Variants in AGAP3 observed in about 807,000 individuals in gnomAD.
The protein encoded by AGAP3 is arf-GAP with GTPase, ANK repeat and PH domain-containing protein 3.
Under a neutral mutation model 96.9 loss-of-function variants are expected in AGAP3, and 24 were observed. The observed-to-expected ratio is 0.25, with a 90% CI of 0.18 to 0.35. AGAP3 has a LOEUF of 0.35. Among genes scored for constraint, AGAP3 ranks in the 10% least tolerant of loss-of-function variants. The pLI, the probability that AGAP3 is intolerant of heterozygous loss-of-function variation, is 1.00. For missense variants in AGAP3, 876 were observed against 1,254.2 expected (o/e 0.70, Z 4.55); for synonymous variants, 563 against 536.1 (o/e 1.05, Z -0.69).
At chr7:151,123,979 G>A (rs1452712963) in intron 9 of AGAP3, 93 bp downstream of exon 9, 2 of 1,301,786 alleles carry the variant, frequency 1.5e-6, no homozygotes, top group East Asian at 4.9e-5. Flanking sequence ...TCTGTGATGG[G>A]GGAGATGGCA....
intron 12 of AGAP3, among the ~76,000 whole-genome samples, chr7:151,138,931 C>A (rs1392536129): frequency 2.0e-5 from 3 of 152,180 alleles, no homozygotes; most frequent in African/African-American, 7.2e-5. Flanking sequence ...CTCCCGTCTG[C>A]CCCTTCCACC....
intron 1 of AGAP3, 29 bp from the exon 2 acceptor site, chr7:151,116,764 C>T (rs1355261146): frequency 5.6e-6 from 9 of 1,613,694 alleles, no homozygotes; most frequent in Non-Finnish European, 6.8e-6. Flanking sequence ...GCCACCCTGG[C>T]CCTGACGGGG....
rs77484182 is a variant in AGAP3, at chr7:151,122,369, C to T, written c.1129-1425C>T. Among the ~76,000 whole-genome samples, 809 of 152,320 alleles carry T rather than the reference C, an allele frequency of 5.3e-3. 5 individuals carry two copies. The highest frequency in any genetic ancestry group is 0.024 in the Middle Eastern group (7 of 294). ...CCACGCTGCAGTTGTGGCCCTGTGTCCCCTCGCTGTGCCCTTGGCTCCTGG... is the reference window on the plus strand; with the variant it reads ...CCACGCTGCAGTTGTGGCCCTGTGTTCCCTCGCTGTGCCCTTGGCTCCTGG... On this transcript the variant is annotated intron_variant, in intron 8 of 17. Coordinates refer to ENST00000397238, the MANE Select transcript of AGAP3 (RefSeq NM_031946.7).
At chr7:151,110,789 C>A (rs562458581) in intron 1 of AGAP3, among the ~76,000 whole-genome samples, 9 of 152,066 alleles carry the variant, frequency 5.9e-5, no homozygotes, top group Admixed American at 2.0e-4. Context: ...AGGACTGACA[C>A]GGATTGGGCT....
intron 10 of AGAP3, among the ~76,000 whole-genome samples, chr7:151,132,750 C>T (rs1421906184): frequency 1.3e-5 from 2 of 152,232 alleles, no homozygotes; most frequent in Non-Finnish European, 2.9e-5. Context: ...CGCCTCTTTC[C>T]TCCGTCTAGC....
chr7:151,116,453 T>G (rs1585072177), intron 1 of AGAP3: 5 of 347,840 alleles, frequency 1.4e-5, no homozygotes, highest in East Asian at 1.1e-4. Context: ...CTGGGCCTGG[T>G]ATTTGGGCCA....
rs189198791 is a variant in AGAP3 at position 151,093,902 on chromosome 7, T to C, written c.331+6830T>C. Among the ~76,000 whole-genome samples, 285 of 152,292 alleles carry C rather than the reference T, an allele frequency of 1.9e-3. 1 individual carries two copies. Among genetic ancestry groups the C allele is most frequent in the Non-Finnish European group, 1.4e-3 (97 of 68,022 alleles). On this transcript the variant is annotated intron_variant, in intron 1 of 17. Transcript: ENST00000397238. ...GCTAGGGGTGACCCTGGCGTGAGTA[T>C]CTGGAACAGGCCAGGCTTGGCTCCC...
chr7:151,127,438 G>A (rs545600472), intron 9 of AGAP3, among the ~76,000 whole-genome samples: 3 of 152,276 alleles, frequency 2.0e-5, no homozygotes, highest in African/African-American at 4.8e-5. Flanking sequence ...CCAGCTGAGG[G>A]TGAGCCCCAC....
At chr7:151,120,931 T>G in intron 8 of AGAP3, 1 of 925,064 alleles carries the variant, frequency 1.1e-6, no homozygotes. Context: ...CAGCCGGGCT[T>G]GGCTGGATGT....
At chr7:151,098,004 C>T (rs1232875998) in intron 1 of AGAP3, among the ~76,000 whole-genome samples, 1 of 152,190 alleles carries the variant, frequency 6.6e-6, no homozygotes, top group Non-Finnish European at 1.5e-5. Flanking sequence ...TGCAGTGCCC[C>T]CTGGCCATAC....
chr7:151,142,112 C>T lies in AGAP3; in HGVS notation c.1960-51C>T, dbSNP rs762573558. On this transcript the variant is annotated intron_variant, in intron 14 of 17. Coordinates refer to ENST00000397238, the MANE Select transcript of AGAP3 (RefSeq NM_031946.7). This position sits in a 1 kb window ranked among gnomAD's most constrained non-coding sequence, Gnocchi z 7.5. ...CTGGCTGGGGTGGGACTGAAAGGGG[C>T]CTCATGACTGACCAACCGCCCCTTG... is the stretch of plus-strand genomic sequence containing the variant. The T allele has an allele frequency of 3.2e-5, 52 of 1,609,496 alleles. No homozygotes were observed. In the South Asian group the frequency reaches 4.4e-4, roughly 14 times the overall value.
At chr7:151,115,100 G>A in intron 1 of AGAP3, 1 of 1,029,514 alleles carries the variant, frequency 9.7e-7, no homozygotes, top group Non-Finnish European at 1.2e-6. Context: ...CGCCGACCCG[G>A]CGCAGCCGCA....
intron 1 of AGAP3, among the ~76,000 whole-genome samples, chr7:151,098,381 A>C (rs1585042368): frequency 6.6e-6 from 1 of 151,550 alleles, no homozygotes; most frequent in South Asian, 2.1e-4. Flanking sequence ...ACAAACACAC[A>C]CATATACACA....
chr7:151,099,934 C>T lies in AGAP3; in HGVS notation c.331+12862C>T, dbSNP rs1356109509. Among the ~76,000 whole-genome samples the T allele has an allele frequency of 2.6e-5, 4 of 152,358 alleles. No homozygotes were observed. In the South Asian group the frequency reaches 6.2e-4, roughly 24 times the overall value. Reference sequence around the variant, plus strand: ...GCACAGAGGGAAGCTCCCTGTCTCTCCGCCCACTTCCTGGCTGAGAAACAG... The same window carrying T: ...GCACAGAGGGAAGCTCCCTGTCTCTTCGCCCACTTCCTGGCTGAGAAACAG... On this transcript the variant is annotated intron_variant, in intron 1 of 17. Coordinates refer to ENST00000397238, the MANE Select transcript of AGAP3 (RefSeq NM_031946.7).
chr7:151,086,852 C>G lies in AGAP3; in HGVS notation c.111C>G (p.Gly37=). The change falls in exon 1 of 18, where the codon GGC becomes GGG. Residue 37 remains glycine (G), a synonymous_variant. Transcript: ENST00000397238. The stretch of plus-strand genomic sequence containing the variant: ...AGCTCGTCTGCGGCGGGCAGTTCGG[C>G]GGCGCGGGGCCCGGGGCCGGGGGCG... ...AQQLVCGGQF[G]GAGPGAGGGG... 3.9e-6 allele frequency: 4 copies of G among 1,031,996 alleles called. No homozygotes were observed. Among genetic ancestry groups the G allele is most frequent in the South Asian group, 4.5e-5 (1 of 22,440 alleles). The allele number at this position is 1,031,996 out of a possible 1,614,324, so 63.9% of individuals were successfully genotyped here.
At position 151,138,151 on chromosome 7, in the gene AGAP3, C is replaced by G. The variant is rs537491993; in HGVS notation, c.1504C>G (p.His502Asp). ...ACCCTTCCCGCCCCCAGGTGCCCCC[C>G]ACTCGGCCAGCAGCGCATCCCTGCA... ...TQLGGGTGAP[H>D]SASSASLHSE... The change falls in exon 12 of 18, where the codon CAC becomes GAC. Residue 502 changes from histidine (H) to aspartate (D), a missense_variant. By Grantham distance (81) the His-to-Asp change is moderately conservative (BLOSUM62 -1). Transcript: ENST00000397238. The G allele has an allele frequency of 6.9e-6, 11 of 1,598,350 alleles. No individual in the cohort carries two copies. Among genetic ancestry groups the G allele is most frequent in the Middle Eastern group, 3.3e-4 (2 of 6,040 alleles).
rs368289264 is a variant in AGAP3, at chr7:151,118,244, C to T, written c.741C>T (p.Asp247=). 1.2e-5 allele frequency: 20 copies of T among 1,612,774 alleles called. No individual in the cohort carries two copies. The highest frequency in any genetic ancestry group is 5.3e-5 in the African/African-American group (4 of 75,024). The change falls in exon 6 of 18, where the codon GAC becomes GAT. Residue 247 remains aspartate, a synonymous_variant. Coordinates refer to ENST00000397238, the MANE Select transcript of AGAP3 (RefSeq NM_031946.7). The surrounding 1 kb of genome is among the most constrained non-coding windows in gnomAD (Gnocchi z 6.1). ...GCGCTGCGAATCCCCGGGTTATCGA[C>T]GACAGCAGAGCCCGCAAGCTCTCCA... ...AISAANPRVI[D]DSRARKLSTD... is the part of the protein sequence containing the mutation.
chr7:151,139,697 T>C lies in AGAP3; in HGVS notation c.1667-282T>C. ...CTCCCCGTGAGTTCCCTGGGCTGCC[T>C]TCCACCCCTCCAGGCTGCAGAGGCA... is the stretch of plus-strand genomic sequence containing the variant. On this transcript the variant is annotated intron_variant, in intron 12 of 17. Transcript: ENST00000397238. This position sits in a 1 kb window ranked among gnomAD's most constrained non-coding sequence, Gnocchi z 4.9. 1 of 290,476 alleles carries C rather than the reference T, an allele frequency of 3.4e-6. No individual in the cohort carries two copies. The highest frequency in any genetic ancestry group is 6.4e-6 in the Non-Finnish European group (1 of 157,358). The allele number at this position is 290,476 out of a possible 1,614,324, so 18.0% of individuals were successfully genotyped here. A position where few individuals can be genotyped will look rare whatever the true frequency, so the allele number is the denominator to read the frequency against.
chr7:151,144,169 A>G lies in AGAP3; in HGVS notation c.*226A>G. On this transcript the variant is annotated 3_prime_UTR_variant, in exon 18 of 18. Transcript: ENST00000397238. ...GCCCTCTGCCCTAAGGTGCCATTGA[A>G]AAGGGACAGGACCCTTCGGAGGTGC... 1 of 596,410 alleles carries G rather than the reference A, an allele frequency of 1.7e-6. No homozygotes were observed. Among genetic ancestry groups the G allele is most frequent in the Non-Finnish European group, 2.9e-6 (1 of 340,212 alleles). The allele number at this position is 596,410 out of a possible 1,614,324, so 36.9% of individuals were successfully genotyped here. A position where few individuals can be genotyped will look rare whatever the true frequency, so the allele number is the denominator to read the frequency against.
Sources: gnomAD v4.1 joint callset for allele counts (sites outside exome capture counted in the v4.1 genomes callset) on GRCh38, gnomAD v4.1.1 for gene constraint, Gnocchi (gnomAD v3.1) non-coding constraint, MANE v1.5 for transcripts, NCBI Gene and HGNC (gene_info 2026-07-23, HGNC 2026-07-21) for gene names.